CSGALNACT1: variants seen among roughly 807,000 people sequenced by gnomAD.
The protein encoded by CSGALNACT1 is beta4GalNAcT-1.
Under a neutral mutation model 51.0 loss-of-function variants are expected in CSGALNACT1, and 52 were observed. That is an observed-to-expected ratio of 1.02 (90% CI 0.82 to 1.29). CSGALNACT1 has a LOEUF of 1.29. Among genes scored for constraint, CSGALNACT1 ranks in the 50% most tolerant of loss-of-function variants. The pLI, the probability that CSGALNACT1 is intolerant of heterozygous loss-of-function variation, is 0.00. For missense variants in CSGALNACT1, 935 were observed against 679.2 expected (o/e 1.38, Z -4.19); for synonymous variants, 341 against 254.4 (o/e 1.34, Z -3.24).
upstream of CSGALNACT1, among the ~76,000 whole-genome samples, chr8:19,604,737 C>T (rs578232843): frequency 7.1e-6 from 1 of 141,506 alleles, no homozygotes; most frequent in African/African-American, 2.7e-5. Context: ...GAAACCCCGT[C>T]TCTACTTTAA....
At chr8:19,424,791 C>T (rs749910272) in intron 6 of CSGALNACT1, among the ~76,000 whole-genome samples, 5 of 152,200 alleles carry the variant, frequency 3.3e-5, no homozygotes, top group Non-Finnish European at 5.9e-5. Flanking sequence ...CACACTTCAA[C>T]TCAAATCACT....
At chr8:19,612,022 C>G (rs1343901415) in intron 1 of CSGALNACT1, among the ~76,000 whole-genome samples, 1 of 152,108 alleles carries the variant, frequency 6.6e-6, no homozygotes, top group Non-Finnish European at 1.5e-5. Flanking sequence ...TTGAGGAATA[C>G]TTCCTGCATT....
chr8:19,617,824 G>A (rs905225122), intron 1 of CSGALNACT1, among the ~76,000 whole-genome samples: 27 of 152,274 alleles, frequency 1.8e-4, no homozygotes, highest in Middle Eastern at 6.8e-3. Flanking sequence ...ATACCTTGAA[G>A]GAAGAATAGA....
intron 1 of CSGALNACT1, among the ~76,000 whole-genome samples, chr8:19,608,669 G>A (rs1329396813): frequency 6.6e-6 from 1 of 152,188 alleles, no homozygotes; most frequent in Non-Finnish European, 1.5e-5. Flanking sequence ...TGCAGAATGA[G>A]TAAAGTTTGT....
chr8:19,705,148 T>C (rs1016383672), intron 1 of CSGALNACT1, among the ~76,000 whole-genome samples: 2 of 152,210 alleles, frequency 1.3e-5, no homozygotes, highest in African/African-American at 2.4e-5. Context: ...TCACAACATA[T>C]ACCAAAGCAT....
chr8:19,516,545 G>T (rs148606911), intron 3 of CSGALNACT1, among the ~76,000 whole-genome samples: 1 of 152,120 alleles, frequency 6.6e-6, no homozygotes, highest in Non-Finnish European at 1.5e-5. Flanking sequence ...CCATGTAGCC[G>T]TGATCTGCAT....
At chr8:19,461,289 C>T (rs1338619620) in intron 4 of CSGALNACT1, among the ~76,000 whole-genome samples, 1 of 152,224 alleles carries the variant, frequency 6.6e-6, no homozygotes, top group Admixed American at 6.5e-5. Flanking sequence ...GAATGTAGTG[C>T]TCACTGAGGC....
At chr8:19,679,986 C>A (rs1399086071) in intron 1 of CSGALNACT1, among the ~76,000 whole-genome samples, 2 of 152,118 alleles carry the variant, frequency 1.3e-5, no homozygotes, top group African/African-American at 4.8e-5. Flanking sequence ...ACAAAGCACC[C>A]TTCCAGTAGC....
chr8:19,553,716 A>G (rs1160959385), intron 3 of CSGALNACT1, among the ~76,000 whole-genome samples: 1 of 149,628 alleles, frequency 6.7e-6, no homozygotes, highest in Non-Finnish European at 1.5e-5. Context: ...AAAACCAGTG[A>G]GGGATTTTAA....
At chr8:19,473,327 G>A (rs1179352697) in intron 4 of CSGALNACT1, among the ~76,000 whole-genome samples, 1 of 152,032 alleles carries the variant, frequency 6.6e-6, no homozygotes, top group Non-Finnish European at 1.5e-5. Context: ...TAACCCGAAA[G>A]CCCTTTGTCA....
At chr8:19,456,215 T>C (rs964845511) in intron 5 of CSGALNACT1, among the ~76,000 whole-genome samples, 25 of 152,346 alleles carry the variant, frequency 1.6e-4, no homozygotes, top group African/African-American at 5.5e-4. Flanking sequence ...AGGAAATAGC[T>C]GTTCATATAT....
intron 1 of CSGALNACT1, among the ~76,000 whole-genome samples, chr8:19,628,791 T>A (rs929857814): frequency 1.3e-5 from 2 of 151,832 alleles, no homozygotes; most frequent in Non-Finnish European, 2.9e-5. Context: ...CAATAAGCAA[T>A]ATTTTTTAAG....
chr8:19,448,554 T>C (rs1288400506), intron 5 of CSGALNACT1, among the ~76,000 whole-genome samples: 1 of 151,798 alleles, frequency 6.6e-6, no homozygotes, highest in African/African-American at 2.4e-5. Context: ...GTAACAGAGG[T>C]AAAATGAACT....
intron 1 of CSGALNACT1, among the ~76,000 whole-genome samples, chr8:19,752,894 C>A (rs561161308): frequency 3.3e-5 from 5 of 152,286 alleles, no homozygotes; most frequent in African/African-American, 1.2e-4. Flanking sequence ...TTCTAGCAAA[C>A]AATTATTTTT....
chr8:19,531,565 T>G (rs1476917694), intron 3 of CSGALNACT1, among the ~76,000 whole-genome samples: 1 of 152,228 alleles, frequency 6.6e-6, no homozygotes, highest in Non-Finnish European at 1.5e-5. Context: ...TAAGTAACCT[T>G]GGCAAATCAC....
At chr8:19,448,321 T>G (rs1437267354) in intron 5 of CSGALNACT1, among the ~76,000 whole-genome samples, 1 of 152,138 alleles carries the variant, frequency 6.6e-6, no homozygotes, top group East Asian at 1.9e-4. Context: ...GTAGGAAGAG[T>G]TACAAAGGAT....
Position 19,720,149 on chromosome 8 carries a change from G to C in CSGALNACT1, c.-297+37701C>G, listed in dbSNP as rs374396524. ...ATGGAAGAGCCACTGTGCCAGTCTG[G>C]AGCCACTACCCCTGTCCTTCTCCTA... is the stretch of plus-strand genomic sequence containing the variant. On this transcript the variant is annotated intron_variant, in intron 1 of 1. Coordinates refer to the CSGALNACT1 transcript ENST00000517494. 4.6e-5 allele frequency among the ~76,000 whole-genome samples: 7 copies of C among 152,196 alleles called. No homozygotes were observed. In the East Asian group the frequency reaches 9.6e-4, roughly 21 times the overall value.
chr8:19,424,170 G>A (rs952232463), intron 6 of CSGALNACT1, among the ~76,000 whole-genome samples: 2 of 152,204 alleles, frequency 1.3e-5, no homozygotes, highest in African/African-American at 4.8e-5. Flanking sequence ...CTGAACATGA[G>A]TGTGCACAGA....
rs1215838360 is a variant in CSGALNACT1, at chr8:19,645,787, G to A, written c.-544+36686C>T. ...CAAGTGAATGATATGGCAGCAGCCTGGATGATCAAATGTAGCCCTGGCCCT... is the reference window on the plus strand; with the variant it reads ...CAAGTGAATGATATGGCAGCAGCCTAGATGATCAAATGTAGCCCTGGCCCT... On this transcript the variant is annotated intron_variant, in intron 1 of 9. Coordinates refer to the CSGALNACT1 transcript ENST00000332246. Among the ~76,000 whole-genome samples, 6 of 152,240 alleles carry A rather than the reference G, an allele frequency of 3.9e-5. No homozygotes were observed. In the East Asian group the frequency reaches 9.7e-4, roughly 25 times the overall value.
Sources: allele counts gnomAD v4.1 joint callset (sites outside exome capture counted in the v4.1 genomes callset), GRCh38; gene constraint gnomAD v4.1.1; transcripts MANE v1.5; gene names NCBI Gene and HGNC (gene_info 2026-07-23, HGNC 2026-07-21).